The following AP5M1 variants were observed in gnomAD, a reference collection of about 807,000 sequenced individuals.
AP5M1 encodes the protein adaptor related protein complex 5 subunit mu 1.
Under a neutral mutation model 52.3 loss-of-function variants are expected in AP5M1, and 44 were observed. The observed-to-expected ratio is 0.84, with a 90% CI of 0.66 to 1.08. The LOEUF (loss-of-function observed/expected upper bound fraction) is 1.08. Among genes scored for constraint, AP5M1 ranks in the 50% least tolerant of loss-of-function variants. The pLI is 0.00. For synonymous variants in AP5M1, 213 were observed against 199.0 expected (o/e 1.07, Z -0.59); for missense variants, 526 against 568.4 (o/e 0.93, Z 0.76).
At position 57,274,449 on chromosome 14, in the gene AP5M1, T is replaced by C. The variant is rs1319612224; in HGVS notation, c.280T>C (p.Trp94Arg). 1 of 1,614,212 alleles carries C rather than the reference T, an allele frequency of 6.2e-7. No homozygotes were observed. Among genetic ancestry groups the C allele is most frequent in the Admixed American group, 1.7e-5 (1 of 60,030 alleles). Residue 94 changes from tryptophan to arginine, a missense_variant, in exon 2 of 8, where the codon TGG becomes CGG. Trp to Arg is a moderately radical substitution (Grantham distance 101, BLOSUM62 -3). This residue lies in a region of AP5M1 where 425 missense variants were observed against 430.6 expected (regional missense o/e 0.99). Coordinates refer to ENST00000261558, the MANE Select transcript of AP5M1 (RefSeq NM_018229.4). ...YGLLIGGEEL[W>R]PVVAFLKNDM... ...ACTCCTGATAGGAGGTGAAGAACTC[T>C]GGCCAGTTGTTGCTTTTCTGAAGAA...
At chr14:57,280,667 C>G (rs1419243694) in intron 3 of AP5M1, among the ~76,000 whole-genome samples, 1 of 151,946 alleles carries the variant, frequency 6.6e-6, no homozygotes, top group Non-Finnish European at 1.5e-5. Context: ...CTGGCCAACA[C>G]GATGAAACCT....
In AP5M1 at chr14:57,269,178, C is replaced by T. The variant is rs1884808586; in HGVS notation, c.-137C>T. 2 of 785,076 alleles carry T rather than the reference C, an allele frequency of 2.5e-6. No individual in the cohort carries two copies. Among genetic ancestry groups the T allele is most frequent in the Non-Finnish European group, 4.2e-6 (2 of 478,868 alleles). 48.6% of individuals were successfully genotyped at this position (785,076 alleles called of 1,614,324 possible). The stretch of plus-strand genomic sequence containing the variant: ...ACTTCACCTAAAAAAGCTAACCTCT[C>T]TGCTGAGCGCGACCGGTATGCGGCG... On this transcript the variant is annotated 5_prime_UTR_variant, in exon 1 of 8. Transcript: ENST00000261558.
Position 57,295,891 on chromosome 14 carries a change from G to A in AP5M1, c.*7007G>A, listed in dbSNP as rs1885542072. 1 of 151,892 alleles carries A rather than the reference G, an allele frequency of 6.6e-6. No individual in the cohort carries two copies. The highest frequency in any genetic ancestry group is 1.5e-5 in the Non-Finnish European group (1 of 67,922). 9.4% of individuals were successfully genotyped at this position (151,892 alleles called of 1,614,324 possible). A position where few individuals can be genotyped will look rare whatever the true frequency, so the allele number is the denominator to read the frequency against. ...ATTACTGAAATGAGTATGTAATTGA[G>A]TATGTAATATATGCATTGGAGAAAT... On this transcript the variant is annotated 3_prime_UTR_variant, in exon 8 of 8. Transcript: ENST00000261558.
rs1365492308 is a variant in AP5M1, at chr14:57,283,208, C to A, written c.1271C>A (p.Thr424Asn). 1 of 1,611,110 alleles carries A rather than the reference C, an allele frequency of 6.2e-7. No homozygotes were observed. Among genetic ancestry groups the A allele is most frequent in the East Asian group, 2.2e-5 (1 of 44,824 alleles). ...AAGCAGCCATTTGACCCAATTTGTA[C>A]TGGAGAAACAGCATATTTAAAGGTA... ...HEKQPFDPIC[T>N]GETAYLKLHF... The change falls in exon 6 of 8, where the codon ACT becomes AAT. Residue 424 changes from threonine to asparagine, a missense_variant. By Grantham distance (65) the Thr-to-Asn change is moderately conservative (BLOSUM62 0). This residue lies in a region of AP5M1 where 97 missense variants were observed against 121.3 expected (regional missense o/e 0.80). Transcript: ENST00000261558.
intron 2 of AP5M1, chr14:57,278,758 G>A (rs954468672): frequency 2.0e-5 from 3 of 152,186 alleles, no homozygotes; most frequent in African/African-American, 7.2e-5. Context: ...GTATAAGACA[G>A]TATGATTTAT....
In AP5M1 at chr14:57,294,587, G is replaced by C. The variant is rs1031562837; in HGVS notation, c.*5703G>C. The C allele has an allele frequency of 2.6e-5, 4 of 151,810 alleles. No homozygotes were observed. Among genetic ancestry groups the C allele is most frequent in the Non-Finnish European group, 5.9e-5 (4 of 67,836 alleles). 9.4% of individuals were successfully genotyped at this position (151,810 alleles called of 1,614,324 possible). A position where few individuals can be genotyped will look rare whatever the true frequency, so the allele number is the denominator to read the frequency against. On this transcript the variant is annotated 3_prime_UTR_variant, in exon 8 of 8. Transcript: ENST00000261558. ...TATTAATTTGCCAGTGGTTGAAGTTGGAGTTTCTTTTCTCCACTGGTTTTA... is the reference window on the plus strand; with the variant it reads ...TATTAATTTGCCAGTGGTTGAAGTTCGAGTTTCTTTTCTCCACTGGTTTTA...
intron 2 of AP5M1, among the ~76,000 whole-genome samples, chr14:57,277,226 G>C (rs1222509449): frequency 6.6e-5 from 10 of 151,670 alleles, no homozygotes; most frequent in Admixed American, 2.6e-4. Flanking sequence ...TTCTAGAATG[G>C]ATGTTCTCAA....
intron 6 of AP5M1, 130 bp from the exon 7 acceptor site, chr14:57,286,093 T>C (rs560953475): frequency 3.1e-6 from 2 of 639,964 alleles, no homozygotes; most frequent in Middle Eastern, 4.4e-4. Context: ...AATTCAAGTT[T>C]AGTACTTGTG....
intron 1 of AP5M1, among the ~76,000 whole-genome samples, 190 bp downstream of exon 1, chr14:57,269,578 G>C (rs1884825943): frequency 6.6e-6 from 1 of 152,102 alleles, no homozygotes; most frequent in Non-Finnish European, 1.5e-5. Context: ...TGTGAGAATT[G>C]AGTTGATGAC....
At chr14:57,283,856 C>T (rs1340593213) in intron 6 of AP5M1, among the ~76,000 whole-genome samples, 1 of 152,084 alleles carries the variant, frequency 6.6e-6, no homozygotes, top group African/African-American at 2.4e-5. Flanking sequence ...CATGGTGGTG[C>T]ACACCTTTAG....
chr14:57,277,166 A>G (rs924476002), intron 2 of AP5M1, among the ~76,000 whole-genome samples: 1 of 151,430 alleles, frequency 6.6e-6, no homozygotes, highest in African/African-American at 2.4e-5. Context: ...TTTTACTTCT[A>G]AAGTTGGGTT....
Position 57,274,255 on chromosome 14 carries a change from C to A in AP5M1, c.86C>A (p.Thr29Asn). ...TTTCCGTAATGCAGACGGTATCCAACTGTTGAAAAACGAGCCAGAGTCTTC... is the reference window on the plus strand; with the variant it reads ...TTTCCGTAATGCAGACGGTATCCAAATGTTGAAAAACGAGCCAGAGTCTTC... ...GTVRFSRRYP[T>N]VEKRARVFNG... Residue 29 changes from threonine (T) to asparagine (N), a missense_variant, in exon 2 of 8, where the codon ACT (threonine) becomes AAT (asparagine). Physicochemically the swap from Thr to Asn is moderately conservative, Grantham distance 65 (BLOSUM62 0). Coordinates refer to ENST00000261558, the MANE Select transcript of AP5M1 (RefSeq NM_018229.4). The A allele has an allele frequency of 6.2e-7, 1 of 1,608,582 alleles. No homozygotes were observed. Among genetic ancestry groups the A allele is most frequent in the Non-Finnish European group, 8.5e-7 (1 of 1,176,992 alleles).
intron 1 of AP5M1, chr14:57,273,847 T>C (rs1198091549): frequency 3.0e-6 from 2 of 658,750 alleles, no homozygotes; most frequent in Non-Finnish European, 5.5e-6. Context: ...TTAGCCCTAC[T>C]CTAGCTACTA....
intron 6 of AP5M1, among the ~76,000 whole-genome samples, chr14:57,286,006 T>TA (rs1377091909): frequency 2.6e-5 from 4 of 152,088 alleles, no homozygotes; most frequent in African/African-American, 4.8e-5. Flanking sequence ...ATGACAGCCT[T>TA]ACAAAAAAAT....
chr14:57,272,960 T>C (rs1884929418), intron 1 of AP5M1, among the ~76,000 whole-genome samples: 2 of 152,168 alleles, frequency 1.3e-5, no homozygotes, highest in African/African-American at 4.8e-5. Context: ...GGAGTCTCAC[T>C]CTGTTGCCCA....
chr14:57,283,107 T>C lies in AP5M1; in HGVS notation c.1175-5T>C. On this transcript the variant is annotated splice_region_variant and splice_polypyrimidine_tract_variant and intron_variant, in intron 5 of 7. Transcript: ENST00000261558. ...GAATTGTTTATTGGTATATTTGTGT[T>C]TTAGGCCAGAAGTTCCCAAAATCAA... 6.2e-7 allele frequency: 1 copy of C among 1,607,518 alleles called. No homozygotes were observed. The highest frequency in any genetic ancestry group is 1.7e-5 in the Admixed American group (1 of 58,964).
Position 57,274,245 on chromosome 14 carries a change from C to T in AP5M1, c.76C>T (p.Arg26Trp), listed in dbSNP as rs201799297. ...PLCGTVRFSR[R>W]YPTVEKRARV... ...AATGTTTCTGTTTCCGTAATGCAGA[C>T]GGTATCCAACTGTTGAAAAACGAGC... is the stretch of plus-strand genomic sequence containing the variant. Residue 26 changes from arginine (R) to tryptophan (W), a missense_variant and splice_region_variant, in exon 2 of 8, where the codon CGG (arginine) becomes TGG (tryptophan). By Grantham distance (101) the Arg-to-Trp change is moderately radical (BLOSUM62 -3). Coordinates refer to ENST00000261558, the MANE Select transcript of AP5M1 (RefSeq NM_018229.4). 25 of 1,592,430 alleles carry T rather than the reference C, an allele frequency of 1.6e-5. No homozygotes were observed. The highest frequency in any genetic ancestry group is 1.9e-5 in the Non-Finnish European group (22 of 1,169,620).
rs80347907 is a variant in AP5M1, at chr14:57,280,540, A to G, written c.948+118A>G. 3.0e-3 allele frequency: 2,150 copies of G among 719,866 alleles called. 47 individuals carry two copies. The African/African-American group carries it at 0.035, about 12-fold the overall frequency. 44.6% of individuals were successfully genotyped at this position (719,866 alleles called of 1,614,324 possible). Reference sequence around the variant, plus strand: ...TAGAAAAAGTTCTATTTATCAGACAATAATTGATGATTGAAGATGAAGATT... The same window carrying G: ...TAGAAAAAGTTCTATTTATCAGACAGTAATTGATGATTGAAGATGAAGATT... On this transcript the variant is annotated intron_variant, in intron 3 of 7. Coordinates refer to ENST00000261558, the MANE Select transcript of AP5M1 (RefSeq NM_018229.4).
Position 57,290,715 on chromosome 14 carries a change from C to G in AP5M1, c.*1831C>G, listed in dbSNP as rs1330853650. On this transcript the variant is annotated 3_prime_UTR_variant, in exon 8 of 8. Transcript: ENST00000261558. ...TGATGCCATCTGTTGCCATTCCATT[C>G]TAACATAGTGCTACAGAACTGAACC... The G allele has an allele frequency of 6.6e-6, 1 of 151,908 alleles. No individual in the cohort carries two copies. The highest frequency in any genetic ancestry group is 1.5e-5 in the Non-Finnish European group (1 of 67,880). The allele number at this position is 151,908 out of a possible 1,614,324, so 9.4% of individuals were successfully genotyped here.
Sources: gnomAD v4.1 joint callset for allele counts (sites outside exome capture counted in the v4.1 genomes callset) on GRCh38, gnomAD v4.1.1 for gene constraint, gnomAD v4.1.1 regional missense constraint, MANE v1.5 for transcripts, NCBI Gene and HGNC (gene_info 2026-07-23, HGNC 2026-07-21) for gene names.